The following C8orf34 variants were observed in gnomAD, a reference collection of about 807,000 sequenced individuals.
C8orf34 encodes the protein chromosome 8 open reading frame 34, also known as uncharacterized protein C8orf34.
Under a neutral mutation model 68.3 loss-of-function variants are expected in C8orf34, and 65 were observed. The observed-to-expected ratio is 0.95, with a 90% CI of 0.78 to 1.17. The LOEUF (loss-of-function observed/expected upper bound fraction) is 1.17, where lower values mean the gene tolerates loss of function less well. Among genes scored for constraint, C8orf34 ranks in the 50% most tolerant of loss-of-function variants. The pLI is 0.00. For missense variants in C8orf34, 664 were observed against 655.4 expected, an observed-to-expected ratio of 1.01 and a Z score of -0.14; for synonymous variants, 244 against 241.2, an observed-to-expected ratio of 1.01 and a Z score of -0.11.
chr8:68,600,330 A>C (rs1817663787), intron 7 of C8orf34, among the ~76,000 whole-genome samples: 1 of 152,108 alleles, frequency 6.6e-6, no homozygotes, highest in Non-Finnish European at 1.5e-5. Context: ...ACCACATCAG[A>C]TGGTGTTGTA....
intron 8 of C8orf34, among the ~76,000 whole-genome samples, chr8:68,687,167 TA>T (rs1820544622): frequency 6.6e-6 from 1 of 152,136 alleles, no homozygotes; most frequent in African/African-American, 2.4e-5. Flanking sequence ...ATAGAATCAA[TA>T]CTGTAAAAAT....
Position 68,661,040 on chromosome 8 carries a change from A to T in C8orf34, c.1241+20529A>T, listed in dbSNP as rs183342624. On this transcript the variant is annotated intron_variant, in intron 8 of 13. Coordinates refer to ENST00000518698, the MANE Select transcript of C8orf34 (RefSeq NM_052958.4). ...ACCCTCCTTTTGGCTTGGCTGGGGG[A>T]GGAAAGACTCTGGGCATGTGGTGCG... 4.0e-3 allele frequency among the ~76,000 whole-genome samples: 612 copies of T among 152,144 alleles called. 2 individuals are homozygous for T. The highest frequency in any genetic ancestry group is 6.6e-3 in the Non-Finnish European group (452 of 67,982).
intron 4 of C8orf34, among the ~76,000 whole-genome samples, chr8:68,472,562 G>T (rs372607943): frequency 1.3e-4 from 20 of 152,024 alleles, no homozygotes; most frequent in African/African-American, 4.1e-4. Context: ...AATCCTGAAG[G>T]CCATCTTAGA....
Position 68,685,735 on chromosome 8 carries a change from G to A in C8orf34, c.1242-23259G>A, listed in dbSNP as rs545190986. ...ACCCCCAAAAGCAAAAATTAGCCAG[G>A]CGTGGACATATGTGCCTGTACTTCC... On this transcript the variant is annotated intron_variant, in intron 8 of 13. Coordinates refer to ENST00000518698, the MANE Select transcript of C8orf34 (RefSeq NM_052958.4). Among the ~76,000 whole-genome samples, 4 of 151,754 alleles carry A rather than the reference G, an allele frequency of 2.6e-5. No individual in the cohort carries two copies. In the South Asian group the frequency reaches 6.2e-4, roughly 24 times the overall value.
At chr8:68,742,272 A>G (rs1236001844) in intron 10 of C8orf34, among the ~76,000 whole-genome samples, 1 of 152,152 alleles carries the variant, frequency 6.6e-6, no homozygotes, top group African/African-American at 2.4e-5. Context: ...CTTTGCTGCT[A>G]ATGTCCAGTT....
chr8:68,402,594 T>C (rs375268995), intron 1 of C8orf34, among the ~76,000 whole-genome samples: 8 of 152,310 alleles, frequency 5.3e-5, no homozygotes, highest in Admixed American at 3.3e-4. Context: ...CGGCTTTTGT[T>C]ATATTGCATT....
At chr8:68,672,783 G>A (rs1322165810) in intron 8 of C8orf34, among the ~76,000 whole-genome samples, 2 of 152,296 alleles carry the variant, frequency 1.3e-5, no homozygotes, top group African/African-American at 4.8e-5. Flanking sequence ...TGAGACACCA[G>A]CACAGGTGGC....
At chr8:68,479,406 T>TGAGAGA (rs10573693) in intron 4 of C8orf34, among the ~76,000 whole-genome samples, 4,246 of 147,364 alleles carry the variant, frequency 0.029, 173 homozygotes, top group African/African-American at 0.089. Context: ...AGAGAAACAG[T>TGAGAGA]GAGAGAGAGA....
intron 5 of C8orf34, among the ~76,000 whole-genome samples, chr8:68,514,275 G>A (rs1814409937): frequency 6.6e-6 from 1 of 152,112 alleles, no homozygotes. Flanking sequence ...TGCAAATGTT[G>A]TGAACCTCTG....
chr8:68,579,967 C>T (rs1018416025), intron 7 of C8orf34, among the ~76,000 whole-genome samples: 7 of 152,020 alleles, frequency 4.6e-5, no homozygotes, highest in Non-Finnish European at 7.4e-5. Flanking sequence ...CTAAGCCATC[C>T]GGGCTCAGGT....
intron 10 of C8orf34, among the ~76,000 whole-genome samples, chr8:68,773,276 A>T (rs1823406256): frequency 6.6e-6 from 1 of 152,210 alleles, no homozygotes; most frequent in African/African-American, 2.4e-5. Flanking sequence ...TTTCTGACCC[A>T]TCAGAATCAG....
At chr8:68,335,221 G>A (rs936121334) in intron 1 of C8orf34, among the ~76,000 whole-genome samples, 2 of 152,128 alleles carry the variant, frequency 1.3e-5, no homozygotes, top group African/African-American at 2.4e-5. Flanking sequence ...CTTATGGCCA[G>A]AGGTAAAATA....
chr8:68,416,767 G>A (rs539227324), intron 1 of C8orf34, among the ~76,000 whole-genome samples: 4 of 152,108 alleles, frequency 2.6e-5, no homozygotes, highest in East Asian at 3.9e-4. Flanking sequence ...CTGACTTCAC[G>A]TGACCCGCCC....
chr8:68,445,855 T>C (rs1164701222), intron 2 of C8orf34, among the ~76,000 whole-genome samples: 1 of 152,204 alleles, frequency 6.6e-6, no homozygotes, highest in Admixed American at 6.5e-5. Flanking sequence ...AGTGGCACAG[T>C]CTCGGCTCAC....
chr8:68,587,133 A>G (rs1171897144), intron 7 of C8orf34, among the ~76,000 whole-genome samples: 5 of 152,078 alleles, frequency 3.3e-5, no homozygotes, highest in Admixed American at 1.3e-4. Flanking sequence ...TCTTTTTCTC[A>G]TCATCTCTGG....
intron 5 of C8orf34, among the ~76,000 whole-genome samples, chr8:68,519,307 C>T (rs1017155669): frequency 3.9e-5 from 6 of 152,104 alleles, no homozygotes; most frequent in African/African-American, 1.4e-4. Context: ...ACCTGTATTA[C>T]TTTTGGAAAG....
rs373795731 is a variant in C8orf34, at chr8:68,784,365, T to C, written c.1456-3078T>C. Among the ~76,000 whole-genome samples, 15 of 152,308 alleles carry C rather than the reference T, an allele frequency of 9.8e-5. No individual in the cohort carries two copies. The East Asian group carries it at 2.3e-3, about 24-fold the overall frequency. On this transcript the variant is annotated intron_variant, in intron 11 of 13. Coordinates refer to ENST00000518698, the MANE Select transcript of C8orf34 (RefSeq NM_052958.4). ...AATTTTCATCACATCCTGTCAAGGG[T>C]ACATCCTATCAATATGCTGTATTGC...
intron 10 of C8orf34, among the ~76,000 whole-genome samples, chr8:68,748,740 G>A (rs1324963526): frequency 6.6e-6 from 1 of 152,106 alleles, no homozygotes; most frequent in Non-Finnish European, 1.5e-5. Context: ...GGAAACAACA[G>A]GTGCTGGAGA....
chr8:68,810,094 C>A (rs2129529888), intron 12 of C8orf34, among the ~76,000 whole-genome samples: 1 of 152,318 alleles, frequency 6.6e-6, no homozygotes, highest in Middle Eastern at 3.4e-3. Flanking sequence ...GGCATCTTTG[C>A]CTAGTTTTGC....
Sources: gnomAD v4.1 joint callset for allele counts (sites outside exome capture counted in the v4.1 genomes callset) on GRCh38, gnomAD v4.1.1 for gene constraint, MANE v1.5 for transcripts, NCBI Gene and HGNC (gene_info 2026-07-23, HGNC 2026-07-21) for gene names.